Variants in NEDD9 observed in about 807,000 individuals in gnomAD.
NEDD9 encodes neural precursor cell expressed, developmentally down-regulated 9.
In NEDD9, 26 loss-of-function variants were observed where a neutral mutation model predicts 76.6. The ratio of observed to expected loss-of-function variants is 0.34; its 90% CI spans 0.25 to 0.47. The LOEUF (loss-of-function observed/expected upper bound fraction) is 0.47, where lower values mean the gene tolerates loss of function less well. Ranked by LOEUF, NEDD9 falls within the 20% of genes least tolerant of loss-of-function variation. The probability of loss-of-function intolerance (pLI) is 1.00; values close to 1 mark genes in which losing one functional copy is unlikely to be tolerated. For missense variants in NEDD9, 937 were observed against 1,058.5 expected, an observed-to-expected ratio of 0.89 and a Z score of 1.59; for synonymous variants, 392 against 414.2, an observed-to-expected ratio of 0.95 and a Z score of 0.65.
At chr6:11,226,938 G>A (rs1267003085) in intron 1 of NEDD9, among the ~76,000 whole-genome samples, 2 of 152,166 alleles carry the variant, frequency 1.3e-5, no homozygotes, top group African/African-American at 4.8e-5. Context: ...AAACTATACT[G>A]TTAGAAAGTA....
At chr6:11,228,424 G>C (rs13212654) in intron 1 of NEDD9, among the ~76,000 whole-genome samples, 23,423 of 152,080 alleles carry the variant, frequency 0.15, 1,901 homozygotes, top group Middle Eastern at 0.27. Flanking sequence ...CAGCTACTCA[G>C]GAGGCCGAGA....
At chr6:11,218,973 T>C (rs1226832314) in intron 1 of NEDD9, among the ~76,000 whole-genome samples, 1 of 152,182 alleles carries the variant, frequency 6.6e-6, no homozygotes, top group Non-Finnish European at 1.5e-5. Flanking sequence ...AATGGTCTCT[T>C]TTAAGAGCCT....
intron 1 of NEDD9, among the ~76,000 whole-genome samples, chr6:11,356,727 A>ACCC (rs61435147): frequency 8.9e-6 from 1 of 112,524 alleles, no homozygotes; most frequent in East Asian, 2.7e-4. Flanking sequence ...ATCATAACCC[A>ACCC]CCCCCCCCAC....
chr6:11,339,765 A>C (rs552646986), intron 1 of NEDD9, among the ~76,000 whole-genome samples: 1 of 152,282 alleles, frequency 6.6e-6, no homozygotes, highest in East Asian at 1.9e-4. Flanking sequence ...TCAGGACTTG[A>C]CTGGGTTCTC....
intron 3 of NEDD9, among the ~76,000 whole-genome samples, chr6:11,304,316 G>A (rs1474233811): frequency 6.6e-6 from 1 of 152,212 alleles, no homozygotes; most frequent in Non-Finnish European, 1.5e-5. Flanking sequence ...ACAGATGCTG[G>A]AGAGGATGTG....
chr6:11,255,550 C>T (rs376952787), intron 3 of NEDD9, among the ~76,000 whole-genome samples: 15 of 152,142 alleles, frequency 9.9e-5, no homozygotes, highest in South Asian at 4.1e-4. Flanking sequence ...GTAGCTGAAA[C>T]AGCATGTGTG....
intron 2 of NEDD9, among the ~76,000 whole-genome samples, chr6:11,331,178 A>T (rs916010896): frequency 6.6e-6 from 1 of 152,232 alleles, no homozygotes; most frequent in Non-Finnish European, 1.5e-5. Context: ...CATGGGGAAC[A>T]GTGGAGACTG....
chr6:11,303,285 A>G (rs964200414), intron 3 of NEDD9, among the ~76,000 whole-genome samples: 2 of 152,228 alleles, frequency 1.3e-5, no homozygotes, highest in South Asian at 2.1e-4. Context: ...AAAAGAATAA[A>G]ATACCTGGGA....
chr6:11,194,673 CACCAGGAAAGAAA>C (rs1758245580), intron 2 of NEDD9, among the ~76,000 whole-genome samples: 1 of 152,150 alleles, frequency 6.6e-6, no homozygotes, highest in Non-Finnish European at 1.5e-5. Context: ...TTCCCATTTC[CACCAGGAAAGAAA>C]ACATCCCCAA....
rs375101399 is a variant in NEDD9, at chr6:11,334,094, T to A, written c.-153+407A>T. 2.4e-3 allele frequency among the ~76,000 whole-genome samples: 373 copies of A among 152,316 alleles called. 1 individual carries two copies. The highest frequency in any genetic ancestry group is 8.6e-3 in the African/African-American group (358 of 41,574). ...AAATCTGTCCTCTAGATTAGCTAAA[T>A]AAATATAGCACATCAATCAAAAATC... On this transcript the variant is annotated intron_variant, in intron 2 of 3. Transcript: ENST00000397378.
At chr6:11,346,138 A>G (rs1762360115) in intron 1 of NEDD9, among the ~76,000 whole-genome samples, 1 of 152,220 alleles carries the variant, frequency 6.6e-6, no homozygotes, top group Non-Finnish European at 1.5e-5. Flanking sequence ...AAGCTCCATG[A>G]TAACAGGGAT....
chr6:11,337,079 G>T (rs879564731), intron 1 of NEDD9, among the ~76,000 whole-genome samples: 3 of 152,134 alleles, frequency 2.0e-5, no homozygotes, highest in African/African-American at 4.8e-5. Flanking sequence ...TTATCTGGAC[G>T]TGGTGGAGCA....
intron 3 of NEDD9, among the ~76,000 whole-genome samples, chr6:11,303,497 G>A (rs755274401): frequency 1.8e-4 from 27 of 151,152 alleles, no homozygotes; most frequent in Middle Eastern, 3.4e-3. Context: ...CTTTCTTTAC[G>A]TAATTGGAAA....
intron 3 of NEDD9, among the ~76,000 whole-genome samples, chr6:11,275,565 C>CACACACATATATATATATAT (rs551632582): frequency 8.0e-5 from 12 of 150,184 alleles, no homozygotes; most frequent in Non-Finnish European, 1.3e-4. Context: ...CACACACACA[C>CACACACATATATATATATAT]ATATATATAT....
chr6:11,192,499 T>A, intron 3 of NEDD9, 53 bp from the exon 4 acceptor site: 2 of 1,298,154 alleles, frequency 1.5e-6, no homozygotes, highest in South Asian at 1.3e-5. Context: ...TACTTGGTCA[T>A]TTTTTATGCT....
intron 3 of NEDD9, among the ~76,000 whole-genome samples, chr6:11,291,277 T>G (rs564365186): frequency 2.1e-5 from 3 of 141,134 alleles, no homozygotes; most frequent in South Asian, 2.3e-4. Context: ...GTTTTTTTTT[T>G]TTTTTTTTTT....
chr6:11,375,459 T>C (rs1762955471), intron 1 of NEDD9, among the ~76,000 whole-genome samples: 1 of 152,228 alleles, frequency 6.6e-6, no homozygotes, highest in African/African-American at 2.4e-5. Context: ...ATAGTTCCTT[T>C]TGTGGTAGGT....
At chr6:11,244,261 A>ACACACACACACACACGTGTGTG (rs1161473575) in intron 3 of NEDD9, among the ~76,000 whole-genome samples, 1 of 150,654 alleles carries the variant, frequency 6.6e-6, no homozygotes, top group Non-Finnish European at 1.5e-5. Context: ...CTTTCTCTTT[A>ACACACACACACACACGTGTGTG]CACACACACA....
At chr6:11,276,180 C>T (rs995148225) in intron 3 of NEDD9, among the ~76,000 whole-genome samples, 2 of 152,166 alleles carry the variant, frequency 1.3e-5, no homozygotes, top group African/African-American at 4.8e-5. Flanking sequence ...AAAACCTCCA[C>T]CAATACCAAT....
Sources: allele counts gnomAD v4.1 joint callset (sites outside exome capture counted in the v4.1 genomes callset), GRCh38; gene constraint gnomAD v4.1.1; transcripts MANE v1.5; gene names NCBI Gene and HGNC (gene_info 2026-07-23, HGNC 2026-07-21).